The following UGT1A9 variants were observed in gnomAD, a reference collection of about 807,000 sequenced individuals.
The protein encoded by UGT1A9 is UDP glucuronosyltransferase family 1 member A9.
In UGT1A9, 35 loss-of-function variants were observed where a neutral mutation model predicts 45.0. The observed-to-expected ratio is 0.78, with a 90% confidence interval of 0.59 to 1.03. The LOEUF is 1.03. UGT1A9 is among the 50% of genes least tolerant of loss of function. The pLI, the probability that UGT1A9 is intolerant of heterozygous loss-of-function variation, is 0.00. For missense variants in UGT1A9, 687 were observed against 666.6 expected (o/e 1.03, Z -0.34); for synonymous variants, 278 against 250.6 (o/e 1.11, Z -1.03).
intron 1 of UGT1A9, chr2:233,713,548 A>G (rs1398367800): frequency 6.8e-6 from 11 of 1,613,866 alleles, no homozygotes; most frequent in Admixed American, 1.7e-5. Flanking sequence ...AAGGGCACAC[A>G]GTGTCCAAAC....
chr2:233,757,568 A>ATATATATATATATATATATATG, intron 1 of UGT1A9, among the ~76,000 whole-genome samples: 1 of 142,136 alleles, frequency 7.0e-6, no homozygotes, highest in Non-Finnish European at 1.5e-5. Context: ...ATATGTATAT[A>ATATATATATATATATATATATG]TGATATAGCT....
At chr2:233,686,659 C>T (rs977077863) in intron 1 of UGT1A9, among the ~76,000 whole-genome samples, 7 of 152,126 alleles carry the variant, frequency 4.6e-5, no homozygotes, top group Admixed American at 1.3e-4. Context: ...GATACACTAC[C>T]TCTTTGGCCC....
chr2:233,766,494 G>T (rs1250106940), intron 1 of UGT1A9, among the ~76,000 whole-genome samples: 2 of 152,182 alleles, frequency 1.3e-5, no homozygotes, highest in Non-Finnish European at 2.9e-5. Flanking sequence ...GGCGTGGCAG[G>T]CCAGGGTGGT....
chr2:233,744,616 T>C (rs1359252555), intron 1 of UGT1A9, among the ~76,000 whole-genome samples: 1 of 151,926 alleles, frequency 6.6e-6, no homozygotes, highest in Non-Finnish European at 1.5e-5. Context: ...CTTGGCTCTA[T>C]AGAGAGGTGG....
intron 1 of UGT1A9, chr2:233,729,433 A>T (rs2077858164): frequency 6.2e-7 from 1 of 1,613,790 alleles, no homozygotes; most frequent in African/African-American, 1.3e-5. Flanking sequence ...GTACTTTGAA[A>T]CAGAACATTT....
chr2:233,684,711 G>T (rs1275100203), intron 1 of UGT1A9, among the ~76,000 whole-genome samples: 1 of 151,950 alleles, frequency 6.6e-6, no homozygotes, highest in East Asian at 1.9e-4. Flanking sequence ...ATGTATTAAT[G>T]TATATATTTA....
At chr2:233,742,982 A>G (rs555126231) in intron 1 of UGT1A9, 1 of 227,728 alleles carries the variant, frequency 4.4e-6, no homozygotes, top group South Asian at 6.4e-5. Context: ...TAAGTTTAAT[A>G]AATAGCAAAT....
At chr2:233,716,161 G>A (rs1487983369) in intron 1 of UGT1A9, among the ~76,000 whole-genome samples, 1 of 152,116 alleles carries the variant, frequency 6.6e-6, no homozygotes, top group Non-Finnish European at 1.5e-5. Context: ...CCATGGAGAT[G>A]CAGTGCAGCA....
intron 1 of UGT1A9, chr2:233,718,970 G>T (rs45510694): frequency 4.3e-6 from 7 of 1,614,194 alleles, no homozygotes; most frequent in Non-Finnish European, 5.9e-6. Flanking sequence ...CCTTGCGGGA[G>T]CTCCATGCCA....
At position 233,672,146 on chromosome 2, in the gene UGT1A9, A is replaced by G. The variant is rs527774940; in HGVS notation, c.212A>G (p.Asn71Ser). 86 of 1,614,186 alleles carry G rather than the reference A, an allele frequency of 5.3e-5. 1 individual carries two copies. In the East Asian group the frequency reaches 1.9e-3, roughly 36 times the overall value. ...AGTTGGCAACTGGGAAGATCACTGA[A>G]TTGCACAGTGAAGACTTATTCAACT... ...EVSWQLGRSL[N>S]CTVKTYSTSY... The change falls in exon 1 of 5, where the codon AAT becomes AGT. Residue 71 changes from asparagine to serine, a missense_variant. Coordinates refer to ENST00000354728, the MANE Select transcript of UGT1A9 (RefSeq NM_021027.3).
chr2:233,728,807 A>T (rs2077752310), intron 1 of UGT1A9, among the ~76,000 whole-genome samples: 1 of 152,228 alleles, frequency 6.6e-6, no homozygotes, highest in Non-Finnish European at 1.5e-5. Flanking sequence ...AGTAGGAGAC[A>T]GTGACATGAA....
At chr2:233,691,299 TC>T in intron 1 of UGT1A9, 1 of 985,512 alleles carries the variant, frequency 1.0e-6, no homozygotes, top group South Asian at 4.7e-5. Context: ...AAGCTGCCAA[TC>T]CTCTTGGGAG....
At chr2:233,673,153 T>A (rs947617562) in intron 1 of UGT1A9, among the ~76,000 whole-genome samples, 3 of 152,194 alleles carry the variant, frequency 2.0e-5, no homozygotes, top group Non-Finnish European at 4.4e-5. Flanking sequence ...TTAATGTTTT[T>A]AAAAAAGTAC....
At chr2:233,694,638 TTTCCAG>T (rs1240951817) in intron 1 of UGT1A9, among the ~76,000 whole-genome samples, 1 of 152,224 alleles carries the variant, frequency 6.6e-6, no homozygotes, top group Admixed American at 6.5e-5. Flanking sequence ...TCAATTTTCT[TTTCCAG>T]TTCCTTTTTT....
chr2:233,747,371 C>T (rs757857857), intron 1 of UGT1A9: 1 of 1,604,152 alleles, frequency 6.2e-7, no homozygotes, highest in East Asian at 2.2e-5. Flanking sequence ...AGCTCCATGC[C>T]AGAGGCCACC....
chr2:233,695,130 C>CT (rs71398796), intron 1 of UGT1A9, among the ~76,000 whole-genome samples: 83 of 138,832 alleles, frequency 6.0e-4, no homozygotes, highest in East Asian at 2.3e-3. Context: ...CTTTTCTTTT[C>CT]TTTTTTTTTT....
intron 1 of UGT1A9, among the ~76,000 whole-genome samples, chr2:233,738,560 A>T (rs943884340): frequency 6.6e-6 from 1 of 152,198 alleles, no homozygotes; most frequent in Non-Finnish European, 1.5e-5. Flanking sequence ...AGAGATGAGG[A>T]ATCTGTTGAG....
intron 1 of UGT1A9, among the ~76,000 whole-genome samples, chr2:233,697,644 T>A (rs1311012882): frequency 6.6e-6 from 1 of 152,120 alleles, no homozygotes; most frequent in Admixed American, 6.5e-5. Flanking sequence ...CTTTTTTAGT[T>A]CCTTGAGGTG....
intron 1 of UGT1A9, among the ~76,000 whole-genome samples, chr2:233,740,449 G>A (rs1478518118): frequency 1.3e-5 from 2 of 151,974 alleles, no homozygotes; most frequent in African/African-American, 4.9e-5. Flanking sequence ...AATCAGAGGA[G>A]AAGAAGATGA....
Sources: allele counts gnomAD v4.1 joint callset (sites outside exome capture counted in the v4.1 genomes callset), GRCh38; gene constraint gnomAD v4.1.1; transcripts MANE v1.5; gene names NCBI Gene and HGNC (gene_info 2026-07-23, HGNC 2026-07-21).